The following LIN28B variants were observed in gnomAD, a reference collection of about 807,000 sequenced individuals.
LIN28B encodes the protein lin-28 RNA binding posttranscriptional regulator B.
Under a neutral mutation model 21.9 loss-of-function variants are expected in LIN28B, and 5 were observed. The observed-to-expected ratio is 0.23, with a 90% CI of 0.12 to 0.48. The LOEUF is 0.48. Among genes scored for constraint, LIN28B ranks in the 20% least tolerant of loss-of-function variants. LIN28B has a pLI of 0.98. For synonymous variants in LIN28B, 109 were observed against 111.3 expected (o/e 0.98, Z 0.13); for missense variants, 245 against 310.5 (o/e 0.79, Z 1.58).
intron 2 of LIN28B, among the ~76,000 whole-genome samples, chr6:104,993,598 G>A (rs895463029): frequency 2.6e-5 from 4 of 152,172 alleles, no homozygotes; most frequent in Non-Finnish European, 5.9e-5. Context: ...CACTTTGGGA[G>A]GCCGAGGTGG....
At chr6:104,968,671 C>T (rs1165438401) in intron 2 of LIN28B, among the ~76,000 whole-genome samples, 1 of 152,010 alleles carries the variant, frequency 6.6e-6, no homozygotes, top group Non-Finnish European at 1.5e-5. Flanking sequence ...TTACTTTGGC[C>T]AAGATTTGTT....
At chr6:104,982,626 C>T (rs1770249631) in intron 2 of LIN28B, among the ~76,000 whole-genome samples, 1 of 152,212 alleles carries the variant, frequency 6.6e-6, no homozygotes, top group South Asian at 2.1e-4. Context: ...ACCACCCCTC[C>T]CATTTTGAGA....
intron 2 of LIN28B, among the ~76,000 whole-genome samples, chr6:105,009,115 A>T (rs1163971837): frequency 6.6e-6 from 1 of 152,166 alleles, no homozygotes; most frequent in African/African-American, 2.4e-5. Flanking sequence ...TGATTGAGAA[A>T]TACAGAGCTG....
Position 105,043,341 on chromosome 6 carries a change from C to CAAA in LIN28B, c.383+16888_383+16890dup, listed in dbSNP as rs57532096. 1.4e-3 allele frequency among the ~76,000 whole-genome samples: 107 copies of CAAA among 75,378 alleles called. 1 individual carries two copies. Among genetic ancestry groups the CAAA allele is most frequent in the African/African-American group, 1.9e-3 (27 of 13,890 alleles). 49.5% of individuals were successfully genotyped at this position (75,378 alleles called of 152,430 possible). A position where few individuals can be genotyped will look rare whatever the true frequency, so the allele number is the denominator to read the frequency against. On this transcript the variant is annotated intron_variant, in intron 3 of 3. Coordinates refer to ENST00000345080, the MANE Select transcript of LIN28B (RefSeq NM_001004317.4). ...AGAGCAACAGAGTGAGACTCTGTCT[C>CAAA]AAAAAAAAAAAAAAAAAAAAAAAAA...
chr6:105,001,877 A>G (rs1306799326), intron 2 of LIN28B, among the ~76,000 whole-genome samples: 2 of 152,198 alleles, frequency 1.3e-5, no homozygotes, highest in Non-Finnish European at 2.9e-5. Flanking sequence ...AAGTATTCAA[A>G]TATTAGAAAG....
At chr6:105,032,047 T>C (rs904732491) in intron 3 of LIN28B, among the ~76,000 whole-genome samples, 1 of 152,180 alleles carries the variant, frequency 6.6e-6, no homozygotes, top group African/African-American at 2.4e-5. Context: ...CATTTTGAAA[T>C]TGCATTTTTT....
intron 2 of LIN28B, among the ~76,000 whole-genome samples, chr6:105,000,883 T>C (rs570017144): frequency 5.8e-4 from 89 of 152,312 alleles, no homozygotes; most frequent in African/African-American, 2.0e-3. Flanking sequence ...CTACCTTAGA[T>C]GTTACTTTTG....
intron 3 of LIN28B, among the ~76,000 whole-genome samples, chr6:105,051,632 C>T (rs1281946624): frequency 6.6e-6 from 1 of 151,996 alleles, no homozygotes. Flanking sequence ...TCTGGTCTGC[C>T]TTATTTACTA....
chr6:104,973,314 T>G (rs889033408), intron 2 of LIN28B, among the ~76,000 whole-genome samples: 1 of 152,176 alleles, frequency 6.6e-6, no homozygotes. Flanking sequence ...GGGATAATGT[T>G]TTCAGAGTGA....
At chr6:104,990,985 C>G (rs1345987019) in intron 2 of LIN28B, among the ~76,000 whole-genome samples, 1 of 152,234 alleles carries the variant, frequency 6.6e-6, no homozygotes, top group Non-Finnish European at 1.5e-5. Flanking sequence ...CAGCAACAAT[C>G]TGATTTCTCT....
At chr6:104,957,075 G>T, upstream of LIN28B, 3 of 1,489,014 alleles carry the variant, frequency 2.0e-6, no homozygotes, top group Non-Finnish European at 1.8e-6. Flanking sequence ...GTGCTCAGGG[G>T]GCCAGAAACT....
chr6:105,066,922 G>A (rs1169371698), intron 3 of LIN28B, among the ~76,000 whole-genome samples: 2 of 151,982 alleles, frequency 1.3e-5, no homozygotes, highest in East Asian at 1.9e-4. Flanking sequence ...GAAATCATGC[G>A]ATGAGAAGAA....
rs950177198 is a variant in LIN28B at position 105,077,082 on chromosome 6, T to G, written c.384-1332T>G. Among the ~76,000 whole-genome samples, 10 of 151,600 alleles carry G rather than the reference T, an allele frequency of 6.6e-5. 1 individual carries two copies. The highest frequency in any genetic ancestry group is 6.6e-4 in the Admixed American group (10 of 15,232). On this transcript the variant is annotated intron_variant, in intron 3 of 3. Coordinates refer to ENST00000345080, the MANE Select transcript of LIN28B (RefSeq NM_001004317.4). ...CTGTCTCTACCAAAAATACAAAAAT[T>G]AGCCGGGCATGGTGGCACATGCCTG... is the stretch of plus-strand genomic sequence containing the variant.
At chr6:104,968,971 G>C (rs1057025339) in intron 2 of LIN28B, among the ~76,000 whole-genome samples, 5 of 152,000 alleles carry the variant, frequency 3.3e-5, no homozygotes, top group South Asian at 2.1e-4. Context: ...ACATGATTTT[G>C]CTTATGATAT....
At chr6:104,990,557 T>A (rs1770440242) in intron 2 of LIN28B, among the ~76,000 whole-genome samples, 1 of 109,796 alleles carries the variant, frequency 9.1e-6, no homozygotes, top group Non-Finnish European at 2.0e-5. Flanking sequence ...TTAGTCTTGT[T>A]TTTTATTTTT....
intron 2 of LIN28B, among the ~76,000 whole-genome samples, chr6:104,985,860 T>G (rs1352862687): frequency 6.6e-6 from 1 of 152,340 alleles, no homozygotes; most frequent in East Asian, 1.9e-4. Context: ...TTTTGTCTTA[T>G]GAGTATTCAG....
chr6:105,024,194 G>T (rs143329176), intron 2 of LIN28B, among the ~76,000 whole-genome samples: 1 of 152,058 alleles, frequency 6.6e-6, no homozygotes, highest in African/African-American at 2.4e-5. Context: ...GTTTTGCCAC[G>T]TTGGCCAGGC....
At chr6:104,988,704 A>T (rs1375761268) in intron 2 of LIN28B, among the ~76,000 whole-genome samples, 1 of 151,258 alleles carries the variant, frequency 6.6e-6, no homozygotes, top group Non-Finnish European at 1.5e-5. Context: ...CCGCTTTGCG[A>T]GTAGTTGAGC....
intron 2 of LIN28B, among the ~76,000 whole-genome samples, chr6:104,973,862 A>G (rs1770027895): frequency 6.6e-6 from 1 of 152,188 alleles, no homozygotes; most frequent in South Asian, 2.1e-4. Context: ...TCTAAAGGCT[A>G]ATGATTTTTC....
Sources: gnomAD v4.1 joint callset for allele counts (sites outside exome capture counted in the v4.1 genomes callset) on GRCh38, gnomAD v4.1.1 for gene constraint, MANE v1.5 for transcripts, NCBI Gene and HGNC (gene_info 2026-07-23, HGNC 2026-07-21) for gene names.